Variants in RUBCN observed in about 807,000 individuals in gnomAD.
RUBCN encodes run domain Beclin-1-interacting and cysteine-rich domain-containing protein.
In RUBCN, 74 loss-of-function variants were observed where a neutral mutation model predicts 113.2. The observed-to-expected ratio is 0.65, with a 90% CI of 0.54 to 0.79. RUBCN has a LOEUF of 0.79. Ranked by LOEUF, RUBCN falls within the 30% of genes least tolerant of loss-of-function variation. The probability of loss-of-function intolerance (pLI) is 0.00; values close to 1 mark genes in which losing one functional copy is unlikely to be tolerated. For synonymous variants in RUBCN, 480 were observed against 490.0 expected, an observed-to-expected ratio of 0.98 and a Z score of 0.27; for missense variants, 1,109 against 1,251.7, an observed-to-expected ratio of 0.89 and a Z score of 1.72.
At chr3:197,690,666 A>G (rs9827545) in intron 11 of RUBCN, among the ~76,000 whole-genome samples, 1,651 of 152,336 alleles carry the variant, frequency 0.011, 22 homozygotes, top group African/African-American at 0.038. Flanking sequence ...TTCTAAAGAG[A>G]CAGTAAGCTT....
rs1047563557 is a variant in RUBCN at position 197,671,847 on chromosome 3, G to A, written c.*3171C>T. On this transcript the variant is annotated 3_prime_UTR_variant, in exon 20 of 20. Transcript: ENST00000296343. ...GCTCGAGGTCTCATGGCAAGTTAGA[G>A]ACACAGCCACTCCACCTCACTTTCC... 2 of 152,204 alleles carry A rather than the reference G, an allele frequency of 1.3e-5. No homozygotes were observed. Among genetic ancestry groups the A allele is most frequent in the African/African-American group, 2.4e-5 (1 of 41,462 alleles). The allele number at this position is 152,204 out of a possible 1,614,324, so 9.4% of individuals were successfully genotyped here.
chr3:197,735,536 G>T (rs1728022117), intron 1 of RUBCN, among the ~76,000 whole-genome samples: 1 of 152,222 alleles, frequency 6.6e-6, no homozygotes, highest in African/African-American at 2.4e-5. Flanking sequence ...CCTAAATATG[G>T]AAGGCATCTC....
In RUBCN at chr3:197,733,310, A is replaced by T. The variant is rs148117376; in HGVS notation, c.65+3345T>A. On this transcript the variant is annotated intron_variant, in intron 1 of 19. Transcript: ENST00000296343. ...CAACATGGTGAGACTCTGTCACTAC[A>T]AAAAATCTGAAAAAATTAAAAATTA... is the stretch of plus-strand genomic sequence containing the variant. Among the ~76,000 whole-genome samples the T allele has an allele frequency of 3.3e-5, 5 of 152,168 alleles. No individual in the cohort carries two copies. In the East Asian group the frequency reaches 7.7e-4, roughly 23 times the overall value.
chr3:197,704,755 A>G (rs1580273485), intron 3 of RUBCN, 54 bp from the exon 4 acceptor site: 1 of 1,569,660 alleles, frequency 6.4e-7, no homozygotes, highest in East Asian at 2.2e-5. Flanking sequence ...ATACGGCAAG[A>G]TTGAGGCCTA....
At chr3:197,700,059 A>G (rs1723467738) in intron 7 of RUBCN, among the ~76,000 whole-genome samples, 1 of 152,138 alleles carries the variant, frequency 6.6e-6, no homozygotes, top group African/African-American at 2.4e-5. Context: ...TTGGTGAGGG[A>G]GGTCCCAGCT....
chr3:197,726,288 C>T (rs1158941898), intron 1 of RUBCN, among the ~76,000 whole-genome samples: 1 of 151,946 alleles, frequency 6.6e-6, no homozygotes. Flanking sequence ...GCTCTGTCGC[C>T]CAGGCTGGAG....
At chr3:197,734,021 G>A (rs1230525527) in intron 1 of RUBCN, among the ~76,000 whole-genome samples, 4 of 152,044 alleles carry the variant, frequency 2.6e-5, no homozygotes, top group African/African-American at 9.7e-5. Flanking sequence ...TTTGGGAGGC[G>A]GAGGCTGGTA....
intron 2 of RUBCN, among the ~76,000 whole-genome samples, chr3:197,706,968 T>G (rs1395286391): frequency 6.6e-6 from 1 of 152,140 alleles, no homozygotes; most frequent in Non-Finnish European, 1.5e-5. Context: ...TGAGTGGATT[T>G]TAAGTGGCCA....
In RUBCN at chr3:197,670,634, C is replaced by T. The variant is rs1719698547; in HGVS notation, c.*4384G>A. 6.6e-6 allele frequency among the ~76,000 whole-genome samples: 1 copy of T among 152,228 alleles called. No individual in the cohort carries two copies. The highest frequency in any genetic ancestry group is 2.4e-5 in the African/African-American group (1 of 41,464). ...TATTTTCCTATCTCTAGTTGAAAAACATTTGAACATTTTATCAACTTCAGC... is the reference window on the plus strand; with the variant it reads ...TATTTTCCTATCTCTAGTTGAAAAATATTTGAACATTTTATCAACTTCAGC... On this transcript the variant is annotated 3_prime_UTR_variant, in exon 20 of 20. Transcript: ENST00000296343.
At chr3:197,713,202 T>C (rs1002733313) in intron 2 of RUBCN, among the ~76,000 whole-genome samples, 1 of 152,182 alleles carries the variant, frequency 6.6e-6, no homozygotes, top group African/African-American at 2.4e-5. Flanking sequence ...ATGTGAATAG[T>C]GTTTTGCATT....
chr3:197,699,180 C>T, intron 7 of RUBCN: 7 of 1,547,350 alleles, frequency 4.5e-6, no homozygotes, highest in Non-Finnish European at 6.1e-6. Context: ...AGGACCGATT[C>T]CCAAACCTGC....
At chr3:197,718,570 C>G (rs1322491860) in intron 1 of RUBCN, among the ~76,000 whole-genome samples, 1 of 152,138 alleles carries the variant, frequency 6.6e-6, no homozygotes, top group Non-Finnish European at 1.5e-5. Flanking sequence ...CCACCTCAAC[C>G]TCCCGAGTAG....
intron 3 of RUBCN, 40 bp from the exon 4 acceptor site, chr3:197,704,741 G>A (rs766868897): frequency 6.2e-7 from 1 of 1,605,992 alleles, no homozygotes; most frequent in South Asian, 1.1e-5. Flanking sequence ...ACACATCCTG[G>A]TAGATACGGC....
intron 11 of RUBCN, among the ~76,000 whole-genome samples, chr3:197,692,551 T>G (rs1021098177): frequency 2.6e-5 from 4 of 151,960 alleles, no homozygotes; most frequent in African/African-American, 9.7e-5. Context: ...GGACTGTAGC[T>G]GCAGGATCCG....
At chr3:197,718,398 C>G (rs562383230) in intron 1 of RUBCN, among the ~76,000 whole-genome samples, 1 of 152,198 alleles carries the variant, frequency 6.6e-6, no homozygotes. Context: ...CTATCTCACT[C>G]AATCCTCACA....
Position 197,695,969 on chromosome 3 carries a change from T to C in RUBCN, c.1370A>G (p.Tyr457Cys). 1 of 1,614,084 alleles carries C rather than the reference T, an allele frequency of 6.2e-7. No individual in the cohort carries two copies. The highest frequency in any genetic ancestry group is 1.7e-5 in the Admixed American group (1 of 60,020). The change falls in exon 9 of 20, where the codon TAC (tyrosine) becomes TGC (cysteine). Residue 457 changes from tyrosine to cysteine, a missense_variant. Physicochemically the swap from Tyr to Cys is radical, Grantham distance 194. Coordinates refer to ENST00000296343, the MANE Select transcript of RUBCN (RefSeq NM_014687.4). Reference sequence around the variant, plus strand: ...GAACATGCCTTCCCCTGAGCACAGGTACCGACCACCTTCTGTGGGAAATGG... The same window carrying C: ...GAACATGCCTTCCCCTGAGCACAGGCACCGACCACCTTCTGTGGGAAATGG... Reference protein sequence around the residue: ...SLYMEYEGGRYLCSGEGMFRR... With the variant: ...SLYMEYEGGRCLCSGEGMFRR...
intron 14 of RUBCN, 54 bp downstream of exon 14, chr3:197,682,416 C>A: frequency 6.2e-7 from 1 of 1,608,892 alleles, no homozygotes; most frequent in Non-Finnish European, 8.5e-7. Flanking sequence ...AAAACCCTGA[C>A]AATCCAAAGA....
chr3:197,696,706 C>T (rs376466702), intron 8 of RUBCN, among the ~76,000 whole-genome samples: 19 of 144,414 alleles, frequency 1.3e-4, no homozygotes, highest in African/African-American at 4.4e-4. Flanking sequence ...CTGGACCAGC[C>T]GACGTACCCG....
intron 9 of RUBCN, among the ~76,000 whole-genome samples, chr3:197,695,222 T>C (rs528113530): frequency 4.7e-5 from 7 of 148,620 alleles, no homozygotes; most frequent in Non-Finnish European, 7.4e-5. Flanking sequence ...CTCACACCTG[T>C]GAATCCCAGC....
Sources: gnomAD v4.1 joint callset for allele counts (sites outside exome capture counted in the v4.1 genomes callset) on GRCh38, gnomAD v4.1.1 for gene constraint, MANE v1.5 for transcripts, NCBI Gene and HGNC (gene_info 2026-07-23, HGNC 2026-07-21) for gene names.